LAMC1: variants seen among roughly 807,000 people sequenced by gnomAD.
The protein encoded by LAMC1 is laminin subunit gamma-1.
In LAMC1, 38 loss-of-function variants were observed where a neutral mutation model predicts 173.6. The ratio of observed to expected loss-of-function variants is 0.22; its 90% CI spans 0.17 to 0.29. The LOEUF (loss-of-function observed/expected upper bound fraction) is 0.29, where lower values mean the gene tolerates loss of function less well. LAMC1 is among the 10% of genes least tolerant of loss of function. The pLI, the probability that LAMC1 is intolerant of heterozygous loss-of-function variation, is 1.00. For synonymous variants in LAMC1, 746 were observed against 749.1 expected (o/e 1.00, Z 0.07); for missense variants, 1,824 against 2,051.8 (o/e 0.89, Z 2.14).
At chr1:183,050,022 G>T (rs1654374638) in intron 1 of LAMC1, among the ~76,000 whole-genome samples, 1 of 152,010 alleles carries the variant, frequency 6.6e-6, no homozygotes, top group African/African-American at 2.4e-5. Flanking sequence ...AATCTTATGT[G>T]CTAAAGATGT....
chr1:183,059,775 A>G (rs1282735488), intron 1 of LAMC1, among the ~76,000 whole-genome samples: 1 of 152,204 alleles, frequency 6.6e-6, no homozygotes, highest in Non-Finnish European at 1.5e-5. Context: ...CGTGTGTGGC[A>G]TATTCGTAGG....
In LAMC1 at chr1:183,103,480, C is replaced by G. The variant is rs770967430; in HGVS notation, c.571C>G (p.Arg191Gly). 1 of 1,614,140 alleles carries G rather than the reference C, an allele frequency of 6.2e-7. No individual in the cohort carries two copies. Residue 191 changes from arginine (R) to glycine (G), a missense_variant, in exon 2 of 28, where the codon CGC becomes GGC. Coordinates refer to ENST00000258341, the MANE Select transcript of LAMC1 (RefSeq NM_002293.4). ...SCENTYSKANRGFIRTGGDEQ... is the reference protein window; with the variant it reads ...SCENTYSKANGGFIRTGGDEQ... ...TGAGAACACCTACTCCAAGGCAAACCGCGGCTTCATCAGGACAGGAGGGGA... is the reference window on the plus strand; with the variant it reads ...TGAGAACACCTACTCCAAGGCAAACGGCGGCTTCATCAGGACAGGAGGGGA...
chr1:183,108,726 A>G (rs1291374565), intron 3 of LAMC1, among the ~76,000 whole-genome samples: 1 of 152,170 alleles, frequency 6.6e-6, no homozygotes, highest in Non-Finnish European at 1.5e-5. Flanking sequence ...GAAGGGTAAG[A>G]CTCACCTTAT....
intron 1 of LAMC1, among the ~76,000 whole-genome samples, chr1:183,041,995 C>A (rs1379985385): frequency 6.6e-6 from 1 of 152,112 alleles, no homozygotes; most frequent in South Asian, 2.1e-4. Flanking sequence ...AATAGGATGG[C>A]TAGTACATGG....
intron 1 of LAMC1, among the ~76,000 whole-genome samples, chr1:183,041,844 AG>A (rs1287716352): frequency 1.4e-4 from 22 of 152,280 alleles, no homozygotes; most frequent in African/African-American, 5.3e-4. Flanking sequence ...GGTTCAAAAA[AG>A]TTTGCTGAAT....
At chr1:183,027,037 T>C (rs532575361) in intron 1 of LAMC1, among the ~76,000 whole-genome samples, 63 of 152,348 alleles carry the variant, frequency 4.1e-4, no homozygotes, top group Non-Finnish European at 7.6e-4. Context: ...TTTTAACTGA[T>C]ACTTTTTGGG....
intron 17 of LAMC1, among the ~76,000 whole-genome samples, chr1:183,128,060 A>G (rs573589907): frequency 6.6e-6 from 1 of 152,288 alleles, no homozygotes; most frequent in African/African-American, 2.4e-5. Flanking sequence ...AGGAAAAGAG[A>G]AGAATAAGGA....
At chr1:183,063,337 A>C (rs1273206304) in intron 1 of LAMC1, among the ~76,000 whole-genome samples, 2 of 152,308 alleles carry the variant, frequency 1.3e-5, no homozygotes, top group Admixed American at 6.5e-5. Context: ...TATCAACCAA[A>C]GTGATTTATT....
intron 1 of LAMC1, among the ~76,000 whole-genome samples, chr1:183,026,162 T>A (rs955556181): frequency 6.6e-6 from 1 of 152,244 alleles, no homozygotes; most frequent in Non-Finnish European, 1.5e-5. Context: ...ATATTCTTGC[T>A]AAATGAAATT....
intron 2 of LAMC1, 102 bp downstream of exon 2, chr1:183,103,734 G>A (rs1655896319): frequency 4.1e-6 from 4 of 982,638 alleles, no homozygotes; most frequent in Non-Finnish European, 5.9e-6. Context: ...TGAGGTACGG[G>A]GTCAGAGTAG....
intron 3 of LAMC1, among the ~76,000 whole-genome samples, chr1:183,110,218 G>A (rs1656104517): frequency 6.6e-6 from 1 of 152,148 alleles, no homozygotes; most frequent in Non-Finnish European, 1.5e-5. Flanking sequence ...ACACAGGTTT[G>A]ACTTCAGGAA....
chr1:183,116,597 C>G lies in LAMC1; in HGVS notation c.1349C>G (p.Ser450Cys). Residue 450 changes from serine (S) to cysteine (C), a missense_variant, in exon 7 of 28, where the codon TCT becomes TGT. Transcript: ENST00000258341. ...AGCRPCSCDP[S>C]GSIDECNIET... ...AATAGGCCATGCTCTTGTGATCCCT[C>G]TGGCAGCATAGATGAATGTAATATT... 6.2e-7 allele frequency: 1 copy of G among 1,611,328 alleles called. No individual in the cohort carries two copies. The highest frequency in any genetic ancestry group is 8.5e-7 in the Non-Finnish European group (1 of 1,177,682).
chr1:183,142,112 C>CTG (rs1357413658), intron 27 of LAMC1, among the ~76,000 whole-genome samples: 1 of 152,184 alleles, frequency 6.6e-6, no homozygotes, highest in Non-Finnish European at 1.5e-5. Flanking sequence ...TGGAATCTCT[C>CTG]TAAGAGCTGA....
At chr1:183,052,336 T>G (rs1453051737) in intron 1 of LAMC1, among the ~76,000 whole-genome samples, 2 of 152,126 alleles carry the variant, frequency 1.3e-5, no homozygotes, top group East Asian at 3.8e-4. Context: ...TCTTTTGTTC[T>G]TTCTTTTCTT....
chr1:183,026,264 T>C (rs10911197), intron 1 of LAMC1, among the ~76,000 whole-genome samples: 75,768 of 152,004 alleles, frequency 0.5, 19,594 homozygotes, highest in South Asian at 0.64. Flanking sequence ...TACTTTAAAC[T>C]TCTAGTTTAA....
chr1:183,119,000 C>T (rs922543131), intron 11 of LAMC1, among the ~76,000 whole-genome samples: 5 of 151,842 alleles, frequency 3.3e-5, no homozygotes, highest in African/African-American at 9.7e-5. Flanking sequence ...CTGGTTCAAG[C>T]GATTCTCCTG....
chr1:183,116,236 T>G (rs560997777), intron 6 of LAMC1, among the ~76,000 whole-genome samples: 1 of 152,300 alleles, frequency 6.6e-6, no homozygotes, highest in African/African-American at 2.4e-5. Context: ...CCCAGCACTT[T>G]GGGAAGCCGA....
rs988502099 is a variant in LAMC1 at position 183,124,720 on chromosome 1, A to G, written c.2491A>G (p.Ser831Gly). 11 of 1,614,106 alleles carry G rather than the reference A, an allele frequency of 6.8e-6. No homozygotes were observed. In the African/African-American group the frequency reaches 1.2e-4, roughly 18 times the overall value. The change falls in exon 14 of 28, where the codon AGT becomes GGT. Residue 831 changes from serine (S) to glycine (G), a missense_variant. Physicochemically the swap from Ser to Gly is moderately conservative, Grantham distance 56. Transcript: ENST00000258341. ...PVRLCRLCQC[S>G]DNIDPNAVGN... Reference sequence around the variant, plus strand: ...GAGACTTTGCCGCCTGTGCCAGTGCAGTGACAACATCGATCCCAATGCAGT... The same window carrying G: ...GAGACTTTGCCGCCTGTGCCAGTGCGGTGACAACATCGATCCCAATGCAGT...
At position 183,124,804 on chromosome 1, in the gene LAMC1, T is replaced by A. The variant is rs749272716; in HGVS notation, c.2575T>A (p.Phe859Ile). The A allele has an allele frequency of 1.2e-6, 2 of 1,614,070 alleles. No individual in the cohort carries two copies. The highest frequency in any genetic ancestry group is 2.7e-5 in the African/African-American group (2 of 74,928). ...GAAGTGCATCTATAACACTGCTGGC[T>A]TCTATTGTGACCGGTGCAAAGACGG... Reference protein sequence around the residue: ...CLKCIYNTAGFYCDRCKDGFF... With the variant: ...CLKCIYNTAGIYCDRCKDGFF... Residue 859 changes from phenylalanine (F) to isoleucine (I), a missense_variant, in exon 14 of 28, where the codon TTC becomes ATC. Transcript: ENST00000258341.
Sources: gnomAD v4.1 joint callset for allele counts (sites outside exome capture counted in the v4.1 genomes callset) on GRCh38, gnomAD v4.1.1 for gene constraint, MANE v1.5 for transcripts, NCBI Gene and HGNC (gene_info 2026-07-23, HGNC 2026-07-21) for gene names.